The following PSMD12 variants were observed in gnomAD, a reference collection of about 807,000 sequenced individuals.
The protein encoded by PSMD12 is proteasome 26S subunit, non-ATPase 12.
Under a neutral mutation model 62.9 loss-of-function variants are expected in PSMD12, and 8 were observed. The ratio of observed to expected loss-of-function variants is 0.13; its 90% CI spans 0.07 to 0.23. PSMD12 has a LOEUF of 0.23. Among genes scored for constraint, PSMD12 ranks in the 10% least tolerant of loss-of-function variants. The probability of loss-of-function intolerance (pLI) is 1.00; values close to 1 mark genes in which losing one functional copy is unlikely to be tolerated. For missense variants in PSMD12, 424 were observed against 550.2 expected (o/e 0.77, Z 2.29); for synonymous variants, 173 against 187.4 (o/e 0.92, Z 0.63).
In PSMD12 at chr17:67,347,429, T is replaced by C. The variant is rs770941548; in HGVS notation, c.567A>G (p.Gln189=). ...CCTTCACAGCTAGGCAGAGCCTCAT[T>C]TGCTCCAAAATAAATTCCACTCGCT... ...KKERVEFILE[Q]MRLCLAVKDY... is the part of the protein sequence containing the mutation. Residue 189 remains glutamine (Q), a synonymous_variant, in exon 6 of 11, where the codon CAA becomes CAG. Coordinates refer to ENST00000356126, the MANE Select transcript of PSMD12 (RefSeq NM_002816.5). The C allele has an allele frequency of 3.7e-6, 6 of 1,613,974 alleles. No individual in the cohort carries two copies. The East Asian group carries it at 6.7e-5, about 18-fold the overall frequency.
At chr17:67,343,503 G>A (rs1459498104) in intron 9 of PSMD12, among the ~76,000 whole-genome samples, 2 of 151,952 alleles carry the variant, frequency 1.3e-5, no homozygotes, top group Admixed American at 1.3e-4. Context: ...CTGTCTGCCC[G>A]ATAACCTCAC....
chr17:67,358,647 C>T (rs2143728640), intron 1 of PSMD12, among the ~76,000 whole-genome samples: 1 of 150,462 alleles, frequency 6.6e-6, no homozygotes, highest in South Asian at 2.1e-4. Flanking sequence ...AAGTTACCGT[C>T]ACCCTAACAG....
intron 1 of PSMD12, among the ~76,000 whole-genome samples, chr17:67,363,135 T>TA (rs2042148548): frequency 6.6e-6 from 1 of 152,132 alleles, no homozygotes; most frequent in South Asian, 2.1e-4. Context: ...ATCTAATACA[T>TA]TATTAAGTCT....
intron 9 of PSMD12, among the ~76,000 whole-genome samples, chr17:67,342,655 G>A (rs956425424): frequency 3.3e-5 from 5 of 151,964 alleles, no homozygotes; most frequent in East Asian, 1.9e-4. Flanking sequence ...ATTGGAGATC[G>A]ATCGGGTGCA....
chr17:67,361,796 G>A (rs949510704), intron 1 of PSMD12, among the ~76,000 whole-genome samples: 1 of 143,512 alleles, frequency 7.0e-6, no homozygotes, highest in Admixed American at 7.3e-5. Flanking sequence ...GCCAGGTACA[G>A]TGTTGTGCAC....
At chr17:67,344,873 T>C (rs2041949921) in intron 8 of PSMD12, 93 bp from the exon 9 acceptor site, 1 of 1,090,594 alleles carries the variant, frequency 9.2e-7, no homozygotes, top group East Asian at 2.6e-5. Context: ...GCAAAGACTG[T>C]TTTCGTTAAA....
chr17:67,345,117 T>C lies in PSMD12; in HGVS notation c.909-337A>G, dbSNP rs1302587736. Among the ~76,000 whole-genome samples the C allele has an allele frequency of 2.0e-5, 3 of 152,218 alleles. No homozygotes were observed. The East Asian group carries it at 5.8e-4, about 29-fold the overall frequency. On this transcript the variant is annotated intron_variant, in intron 8 of 10. Coordinates refer to ENST00000356126, the MANE Select transcript of PSMD12 (RefSeq NM_002816.5). ...ATTTTATATAATAGATTTTCACAAG[T>C]ATGTATTTCTGAAAATCACAAAGCT...
Position 67,340,368 on chromosome 17 carries a change from T to C in PSMD12, c.*475A>G, listed in dbSNP as rs1330072360. The C allele has an allele frequency of 1.3e-5, 2 of 152,860 alleles. No individual in the cohort carries two copies. Among genetic ancestry groups the C allele is most frequent in the Non-Finnish European group, 2.9e-5 (2 of 68,572 alleles). 9.5% of individuals were successfully genotyped at this position (152,860 alleles called of 1,614,324 possible). ...ATCACAACTCTATCCCAAATGTTCT[T>C]GTATGCTCTATGTTGCTTTTCTATT... On this transcript the variant is annotated 3_prime_UTR_variant, in exon 11 of 11. Coordinates refer to ENST00000356126, the MANE Select transcript of PSMD12 (RefSeq NM_002816.5).
At chr17:67,347,024 C>G in intron 7 of PSMD12, 92 bp downstream of exon 7, 1 of 1,314,066 alleles carries the variant, frequency 7.6e-7, no homozygotes, top group Non-Finnish European at 1.0e-6. Context: ...ACAATTGCAT[C>G]TAACTATTGC....
At chr17:67,365,607 G>A (rs2042171481) in intron 1 of PSMD12, among the ~76,000 whole-genome samples, 1 of 152,252 alleles carries the variant, frequency 6.6e-6, no homozygotes, top group Middle Eastern at 3.4e-3. Context: ...CCCTCAGCAA[G>A]CATACTGAAC....
intron 8 of PSMD12, 142 bp downstream of exon 8, chr17:67,345,603 T>C (rs2143691387): frequency 4.5e-6 from 3 of 673,970 alleles, no homozygotes; most frequent in Admixed American, 5.1e-5. Flanking sequence ...GATTACACCA[T>C]TACACTCCAG....
rs1170600730 is a variant in PSMD12 at position 67,357,371 on chromosome 17, C to T, written c.229G>A (p.Ala77Thr). 6.2e-7 allele frequency: 1 copy of T among 1,613,740 alleles called. No individual in the cohort carries two copies. Among genetic ancestry groups the T allele is most frequent in the Middle Eastern group, 1.7e-4 (1 of 6,050 alleles). The change falls in exon 3 of 11, where the codon GCT becomes ACT. Residue 77 changes from alanine (A) to threonine (T), a missense_variant. Transcript: ENST00000356126. The stretch of plus-strand genomic sequence containing the variant: ...TCATTAAGTAAATCCCATTCTTTAG[C>T]CTCATAGCACATCTTCACTACTGCA... ...LVAVVKMCYE[A>T]KEWDLLNENI...
In PSMD12 at chr17:67,347,211, C is replaced by G; in HGVS notation, c.700G>C (p.Asp234His). Residue 234 changes from aspartate (D) to histidine (H), a missense_variant, in exon 7 of 11, where the codon GAT (aspartate) becomes CAT (histidine). By Grantham distance (81) the Asp-to-His change is moderately conservative (BLOSUM62 -1). Coordinates refer to ENST00000356126, the MANE Select transcript of PSMD12 (RefSeq NM_002816.5). ...GACAAATAGGATCCCTCATGTTGAT[C>G]CAGCTGAATCATTAAATTATAGTAC... ...LKYYNLMIQL[D>H]QHEGSYLSIC... 2 of 1,613,688 alleles carry G rather than the reference C, an allele frequency of 1.2e-6. No homozygotes were observed. Among genetic ancestry groups the G allele is most frequent in the Non-Finnish European group, 8.5e-7 (1 of 1,179,814 alleles).
chr17:67,364,618 A>G (rs1278621118), intron 1 of PSMD12, among the ~76,000 whole-genome samples: 1 of 152,220 alleles, frequency 6.6e-6, no homozygotes, highest in Non-Finnish European at 1.5e-5. Context: ...CCTTATGGAC[A>G]CTATCATTCT....
At chr17:67,360,032 C>T (rs547438231) in intron 1 of PSMD12, among the ~76,000 whole-genome samples, 47 of 152,234 alleles carry the variant, frequency 3.1e-4, no homozygotes, top group African/African-American at 8.9e-4. Context: ...GCACTAGATC[C>T]GGGGCTCCTG....
chr17:67,357,617 C>A, intron 1 of PSMD12, 39 bp from the exon 2 acceptor site: 1 of 1,570,688 alleles, frequency 6.4e-7, no homozygotes, highest in Non-Finnish European at 8.8e-7. Flanking sequence ...AAAAAACACA[C>A]AAAATGCAAA....
chr17:67,363,841 G>A (rs971453483), intron 1 of PSMD12, among the ~76,000 whole-genome samples: 2 of 152,120 alleles, frequency 1.3e-5, no homozygotes, highest in Non-Finnish European at 2.9e-5. Flanking sequence ...CCTGAGGCCA[G>A]GAGTTTGAGA....
In PSMD12 at chr17:67,337,928, G is replaced by A. The variant is rs1432885226; in HGVS notation, c.*2915C>T. 1 of 152,184 alleles carries A rather than the reference G, an allele frequency of 6.6e-6. No homozygotes were observed. The highest frequency in any genetic ancestry group is 1.5e-5 in the Non-Finnish European group (1 of 68,032). 9.4% of individuals were successfully genotyped at this position (152,184 alleles called of 1,614,324 possible). Reference sequence around the variant, plus strand: ...CTGAAAAGAGAAGTGATCTTTTAAAGTATGAGTTTATTCTCCAGGTTTTCT... The same window carrying A: ...CTGAAAAGAGAAGTGATCTTTTAAAATATGAGTTTATTCTCCAGGTTTTCT... On this transcript the variant is annotated 3_prime_UTR_variant, in exon 11 of 11. Transcript: ENST00000356126.
At chr17:67,356,513 G>C (rs1409436050) in intron 3 of PSMD12, among the ~76,000 whole-genome samples, 2 of 110,766 alleles carry the variant, frequency 1.8e-5, no homozygotes, top group Non-Finnish European at 3.4e-5. Context: ...AGCCGAGATC[G>C]CGCCACTGCA....
Sources: allele counts gnomAD v4.1 joint callset (sites outside exome capture counted in the v4.1 genomes callset), GRCh38; gene constraint gnomAD v4.1.1; transcripts MANE v1.5; gene names NCBI Gene and HGNC (gene_info 2026-07-23, HGNC 2026-07-21).